Variants in TENM3 observed in about 807,000 individuals in gnomAD.
The protein encoded by TENM3 is teneurin-3.
Under a neutral mutation model 255.1 loss-of-function variants are expected in TENM3, and 63 were observed. That is an observed-to-expected ratio of 0.25 (90% CI 0.20 to 0.30). The LOEUF is 0.30. TENM3 is among the 10% of genes least tolerant of loss of function. TENM3 has a pLI of 1.00. For missense variants in TENM3, 2,929 were observed against 3,461.1 expected, an observed-to-expected ratio of 0.85 and a Z score of 3.86; for synonymous variants, 1,306 against 1,322.3, an observed-to-expected ratio of 0.99 and a Z score of 0.27.
the TENM3 span, among the ~76,000 whole-genome samples, chr4:181,512,704 G>A: frequency 3.9e-4 from 60 of 152,058 alleles, no homozygotes; most frequent in Admixed American, 3.9e-3. Context: ...CTTATCTACG[G>A]CACCTAAAAG....
the TENM3 span, among the ~76,000 whole-genome samples, chr4:181,570,558 G>A: frequency 1.7e-4 from 23 of 138,296 alleles, no homozygotes; most frequent in African/African-American, 3.0e-4. Context: ...AAGAGAGAGA[G>A]AAAAAAAAGA....
At chr4:182,734,279 A>G (rs1035400180) in intron 16 of TENM3, among the ~76,000 whole-genome samples, 1 of 152,146 alleles carries the variant, frequency 6.6e-6, no homozygotes, top group Non-Finnish European at 1.5e-5. Flanking sequence ...CATGTTGTAG[A>G]GGGGACAATG....
rs1409476378 is a variant in TENM3 at position 182,800,405 on chromosome 4, C to T, written c.*54C>T. ...ACGCCCTGCCCACATTGTCCTGTGG[C>T]ACAACCCGAGTGGGACTCTCCAACG... is the stretch of plus-strand genomic sequence containing the variant. On this transcript the variant is annotated 3_prime_UTR_variant, in exon 28 of 28. Coordinates refer to ENST00000511685, the MANE Select transcript of TENM3 (RefSeq NM_001080477.4). 6.7e-7 allele frequency: 1 copy of T among 1,498,966 alleles called. No homozygotes were observed. Among genetic ancestry groups the T allele is most frequent in the African/African-American group, 1.4e-5 (1 of 71,456 alleles). The allele number at this position is 1,498,966 out of a possible 1,614,324, so 92.9% of individuals were successfully genotyped here.
intron 3 of TENM3, chr4:182,548,867 T>C (rs374963602): frequency 6.6e-6 from 1 of 152,206 alleles, no homozygotes; most frequent in Non-Finnish European, 1.5e-5. Context: ...TCTATTCTTA[T>C]GCTATGCATC....
the TENM3 span, among the ~76,000 whole-genome samples, chr4:181,557,306 A>C: frequency 6.6e-6 from 1 of 152,178 alleles, no homozygotes; most frequent in East Asian, 1.9e-4. Context: ...ATATATTTTT[A>C]ACCCTTGCAT....
chr4:182,200,224 G>C (rs1754103489), intron 1 of TENM3, among the ~76,000 whole-genome samples: 1 of 152,116 alleles, frequency 6.6e-6, no homozygotes, highest in African/African-American at 2.4e-5. Context: ...GTCTAAATGG[G>C]CCAGTTCTCT....
At chr4:182,564,558 TTTTTTGTTTTTG>T (rs997501735) in intron 3 of TENM3, among the ~76,000 whole-genome samples, 10 of 147,822 alleles carry the variant, frequency 6.8e-5, no homozygotes, top group African/African-American at 2.2e-4. Flanking sequence ...TTTCGTTTGT[TTTTTTGTTTTTG>T]TTTTTGTTTT....
chr4:181,448,343 T>C, the TENM3 span, among the ~76,000 whole-genome samples: 3 of 147,444 alleles, frequency 2.0e-5, no homozygotes, highest in East Asian at 4.3e-4. Context: ...GGCTAATTTT[T>C]TGTATTTTTA....
chr4:181,884,688 AT>A, the TENM3 span, among the ~76,000 whole-genome samples: 13 of 152,338 alleles, frequency 8.5e-5, no homozygotes, highest in East Asian at 7.7e-4. Context: ...TTTTAAAAAA[AT>A]AATCTAATCT....
At chr4:181,887,175 C>T in the TENM3 span, among the ~76,000 whole-genome samples, 1 of 152,002 alleles carries the variant, frequency 6.6e-6, no homozygotes, top group Non-Finnish European at 1.5e-5. Context: ...AATGTCCTTT[C>T]TGAGCCCCAG....
intron 12 of TENM3, among the ~76,000 whole-genome samples, chr4:182,700,585 A>T (rs1757773647): frequency 6.6e-6 from 1 of 152,164 alleles, no homozygotes; most frequent in African/African-American, 2.4e-5. Flanking sequence ...TGCCTCTTTA[A>T]TGAAGCTGGA....
the TENM3 span, among the ~76,000 whole-genome samples, chr4:181,607,723 C>T: frequency 4.6e-5 from 7 of 152,180 alleles, no homozygotes; most frequent in East Asian, 5.8e-4. Context: ...TTTAAATAGC[C>T]GCCTGTGGTC....
intron 1 of TENM3, among the ~76,000 whole-genome samples, chr4:182,230,297 G>A (rs1473499450): frequency 6.6e-6 from 1 of 151,896 alleles, no homozygotes; most frequent in South Asian, 2.1e-4. Flanking sequence ...ACCTAGGCTC[G>A]CAGAGCATTC....
At chr4:182,336,377 T>A (rs1337724336) in intron 2 of TENM3, among the ~76,000 whole-genome samples, 1 of 151,594 alleles carries the variant, frequency 6.6e-6, no homozygotes, top group Non-Finnish European at 1.5e-5. Flanking sequence ...CATGAATAGC[T>A]GTGCTCAAAA....
chr4:182,050,481 A>G, the TENM3 span, among the ~76,000 whole-genome samples: 1 of 152,256 alleles, frequency 6.6e-6, no homozygotes, highest in African/African-American at 2.4e-5. Context: ...TAAGAGGAGG[A>G]AAGAGACTAG....
At chr4:182,795,585 G>A (rs761262298) in intron 26 of TENM3, among the ~76,000 whole-genome samples, 7 of 152,216 alleles carry the variant, frequency 4.6e-5, no homozygotes, top group Admixed American at 3.3e-4. Flanking sequence ...TGAGGTGAGA[G>A]TCTGTGCCCT....
At chr4:181,644,540 A>G in the TENM3 span, among the ~76,000 whole-genome samples, 78,179 of 151,756 alleles carry the variant, frequency 0.52, 20,368 homozygotes, top group Admixed American at 0.56. Flanking sequence ...CTGCTTTCTC[A>G]CCCACTTGTA....
chr4:182,326,164 T>C (rs1221022413), intron 2 of TENM3, among the ~76,000 whole-genome samples: 3 of 152,030 alleles, frequency 2.0e-5, no homozygotes, highest in African/African-American at 7.3e-5. Context: ...GCGCAGTGTG[T>C]GATGGTGCCG....
intron 3 of TENM3, among the ~76,000 whole-genome samples, chr4:182,512,057 A>T (rs1402783124): frequency 1.3e-5 from 2 of 152,186 alleles, no homozygotes; most frequent in Non-Finnish European, 2.9e-5. Context: ...CATGGTTCTT[A>T]ACCAGGAACT....
Sources: gnomAD v4.1 joint callset for allele counts (sites outside exome capture counted in the v4.1 genomes callset) on GRCh38, gnomAD v4.1.1 for gene constraint, MANE v1.5 for transcripts, NCBI Gene and HGNC (gene_info 2026-07-23, HGNC 2026-07-21) for gene names.